The following ZNF226 variants were observed in gnomAD, a reference collection of about 807,000 sequenced individuals.
ZNF226 encodes zinc finger protein 226.
In ZNF226, 6 loss-of-function variants were observed where a neutral mutation model predicts 11.4. The ratio of observed to expected loss-of-function variants is 0.53; its 90% confidence interval spans 0.29 to 1.04. ZNF226 has a LOEUF of 1.04. ZNF226 is among the 50% of genes least tolerant of loss of function. ZNF226 has a pLI of 0.08. For synonymous variants in ZNF226, 350 were observed against 322.8 expected (o/e 1.08, Z -0.90); for missense variants, 1,058 against 956.5 (o/e 1.11, Z -1.40).
At chr19:44,168,842 C>T (rs1969711201) in intron 2 of ZNF226, among the ~76,000 whole-genome samples, 1 of 152,022 alleles carries the variant, frequency 6.6e-6, no homozygotes. Flanking sequence ...TCACCAAACT[C>T]ACCAGTTTTT....
chr19:44,176,878 G>A lies in ZNF226; in HGVS notation c.1616G>A (p.Gly539Asp). The change falls in exon 6 of 6, where the codon GGC (glycine) becomes GAC (aspartate). Residue 539 changes from glycine (G) to aspartate (D), a missense_variant. Coordinates refer to ENST00000337433, the MANE Select transcript of ZNF226 (RefSeq NM_001032373.2). ...KPYKCEICGKGFSQSSYLQIH... is the reference protein window; with the variant it reads ...KPYKCEICGKDFSQSSYLQIH... ...TATAAATGTGAGATATGTGGGAAGG[G>A]CTTCAGTCAAAGTTCGTATCTTCAA... 6.2e-7 allele frequency: 1 copy of A among 1,613,420 alleles called. No individual in the cohort carries two copies. Among genetic ancestry groups the A allele is most frequent in the Non-Finnish European group, 8.5e-7 (1 of 1,179,820 alleles).
chr19:44,190,829 C>T, the ZNF226 span, among the ~76,000 whole-genome samples: 1 of 152,122 alleles, frequency 6.6e-6, no homozygotes, highest in Non-Finnish European at 1.5e-5. Flanking sequence ...ATTATATTGT[C>T]ATTTAAGAAA....
At chr19:44,174,955 T>C (rs368154355) in intron 5 of ZNF226, 5 of 1,604,560 alleles carry the variant, frequency 3.1e-6, no homozygotes, top group Non-Finnish European at 4.3e-6. Context: ...GCAGCAAAAC[T>C]GTACTTTCTA....
chr19:44,177,218 C>T lies in ZNF226; in HGVS notation c.1956C>T (p.Phe652=), dbSNP rs540406248. The T allele has an allele frequency of 4.5e-5, 72 of 1,613,574 alleles. No homozygotes were observed. The Admixed American group carries it at 5.5e-4, about 12-fold the overall frequency. ...AATGTGAAGAATGTGGGAAGAGTTT[C>T]GGTCGGAGTGCACATCTTCAAGCCC... ...PFKCEECGKS[F]GRSAHLQAHQ... is the part of the protein sequence containing the mutation. The change falls in exon 6 of 6, where the codon TTC becomes TTT. Residue 652 remains phenylalanine (F), a synonymous_variant. Transcript: ENST00000337433.
rs199908530 is a variant in ZNF226 at position 44,176,089 on chromosome 19, G to A, written c.827G>A (p.Gly276Glu). ...SFDLHQQLQS[G>E]EKSLTCVERG... The stretch of plus-strand genomic sequence containing the variant: ...GATCTTCATCAGCAGTTACAATCAG[G>A]AGAGAAGTCTCTTACATGTGTTGAG... Residue 276 changes from glycine to glutamate, a missense_variant, in exon 6 of 6, where the codon GGA becomes GAA. By Grantham distance (98) the Gly-to-Glu change is moderately conservative. Transcript: ENST00000337433. 2.1e-5 allele frequency: 34 copies of A among 1,614,170 alleles called. No homozygotes were observed. The African/African-American group carries it at 3.9e-4, about 18-fold the overall frequency.
intron 2 of ZNF226, chr19:44,166,596 A>C (rs1330167782): frequency 6.6e-6 from 1 of 152,258 alleles, no homozygotes; most frequent in Non-Finnish European, 1.5e-5. Context: ...GAAAACACAG[A>C]AATACATTTA....
At chr19:44,192,309 C>T in the ZNF226 span, among the ~76,000 whole-genome samples, 2 of 151,744 alleles carry the variant, frequency 1.3e-5, no homozygotes, top group Non-Finnish European at 2.9e-5. Context: ...AGCGAGAGAG[C>T]GAGAGAAGCA....
chr19:44,197,355 C>T, the ZNF226 span, among the ~76,000 whole-genome samples: 1 of 152,170 alleles, frequency 6.6e-6, no homozygotes, highest in Non-Finnish European at 1.5e-5. Context: ...GGTAGAGTTC[C>T]ATCTGCTCCA....
intron 5 of ZNF226, chr19:44,175,184 A>G (rs1970567869): frequency 6.9e-7 from 1 of 1,442,188 alleles, no homozygotes. Context: ...GAGCACTACA[A>G]AATGTTTTTC....
rs1264942828 is a variant in ZNF226, at chr19:44,176,625, G to A, written c.1363G>A (p.Gly455Ser). The A allele has an allele frequency of 1.2e-6, 2 of 1,614,046 alleles. No homozygotes were observed. The change falls in exon 6 of 6, where the codon GGC (glycine) becomes AGC (serine). Residue 455 changes from glycine to serine, a missense_variant. Transcript: ENST00000337433. ...CTATAAATGTGAGGAATGTGGTAAA[G>A]GCTTTAGTCGGCCTTCAAGTCTTCA... The part of the protein sequence containing the change: ...KPYKCEECGK[G>S]FSRPSSLQAH...
intron 5 of ZNF226, chr19:44,173,309 TC>T: frequency 3.0e-6 from 1 of 331,960 alleles, no homozygotes; most frequent in East Asian, 4.6e-5. Flanking sequence ...TTCTGTGAAT[TC>T]CAGCCACATT....
chr19:44,189,853 G>A, the ZNF226 span, among the ~76,000 whole-genome samples: 1 of 152,262 alleles, frequency 6.6e-6, no homozygotes, highest in East Asian at 1.9e-4. Context: ...TTATAGCATC[G>A]GGTGGTTTGG....
At chr19:44,170,533 G>A (rs1402405575) in intron 3 of ZNF226, among the ~76,000 whole-genome samples, 1 of 152,054 alleles carries the variant, frequency 6.6e-6, no homozygotes, top group East Asian at 1.9e-4. Flanking sequence ...TCAGGAGATC[G>A]AGACCATCCT....
chr19:44,180,086 C>CAAAAAA (rs60173546), downstream of ZNF226, among the ~76,000 whole-genome samples: 6 of 54,718 alleles, frequency 1.1e-4, no homozygotes, highest in African/African-American at 2.5e-4. Flanking sequence ...GACTCTGTCT[C>CAAAAAA]AAAAAAAAAA....
At chr19:44,173,758 GA>G (rs372265729) in intron 5 of ZNF226, 29 of 142,956 alleles carry the variant, frequency 2.0e-4, no homozygotes, top group Non-Finnish European at 2.6e-4. Context: ...ACTGTCTCAA[GA>G]AAAAAAAAAA....
chr19:44,169,453 C>G (rs1017650144), intron 2 of ZNF226: 1 of 152,342 alleles, frequency 6.6e-6, no homozygotes, highest in Non-Finnish European at 1.5e-5. Flanking sequence ...AAGACACTTT[C>G]ACGTGACATA....
At chr19:44,188,020 A>G in the ZNF226 span, among the ~76,000 whole-genome samples, 11 of 152,168 alleles carry the variant, frequency 7.2e-5, no homozygotes, top group African/African-American at 9.6e-5. Flanking sequence ...TCCTAAATTT[A>G]TTAAGACTTG....
At chr19:44,173,007 C>G (rs1251577796) in intron 5 of ZNF226, 55 bp downstream of exon 5, 1 of 1,497,862 alleles carries the variant, frequency 6.7e-7, no homozygotes, top group Non-Finnish European at 9.1e-7. Flanking sequence ...TGCTTTGCTT[C>G]TTCTTAGCCT....
At chr19:44,183,364 C>T (rs1418128468), downstream of ZNF226, among the ~76,000 whole-genome samples, 2 of 152,306 alleles carry the variant, frequency 1.3e-5, no homozygotes, top group Admixed American at 1.3e-4. Context: ...CAGAATTGCA[C>T]CAGCTGCATT....
Sources: gnomAD v4.1 joint callset for allele counts (sites outside exome capture counted in the v4.1 genomes callset) on GRCh38, gnomAD v4.1.1 for gene constraint, MANE v1.5 for transcripts, NCBI Gene and HGNC (gene_info 2026-07-23, HGNC 2026-07-21) for gene names.